Variants in SH3RF3 observed in about 807,000 individuals in gnomAD.
The protein encoded by SH3RF3 is E3 ubiquitin-protein ligase SH3RF3.
SH3RF3 carries 29 observed loss-of-function variants against 66.3 expected under a neutral mutation model. That is an observed-to-expected ratio of 0.44 (90% CI 0.33 to 0.60). The LOEUF (loss-of-function observed/expected upper bound fraction) is 0.60. SH3RF3 is among the 20% of genes least tolerant of loss of function. The pLI is 0.04. For synonymous variants in SH3RF3, 583 were observed against 532.0 expected, an observed-to-expected ratio of 1.10 and a Z score of -1.32; for missense variants, 1,194 against 1,190.9, an observed-to-expected ratio of 1.00 and a Z score of -0.04.
chr2:109,322,440 T>C (rs1682048012), intron 1 of SH3RF3, among the ~76,000 whole-genome samples: 1 of 152,194 alleles, frequency 6.6e-6, no homozygotes, highest in Non-Finnish European at 1.5e-5. Flanking sequence ...GAGTTGTCTT[T>C]GCCTGAGAGT....
In SH3RF3 at chr2:109,396,322, A is replaced by T. The variant is rs145830470; in HGVS notation, c.946-2268A>T. ...CTGGTTGGAGGAAACATTTCAAAGG[A>T]AATAACCCTAGATTTAGATCACACA... On this transcript the variant is annotated intron_variant, in intron 3 of 9. Coordinates refer to ENST00000309415, the MANE Select transcript of SH3RF3 (RefSeq NM_001099289.3). 2.6e-4 allele frequency among the ~76,000 whole-genome samples: 40 copies of T among 152,338 alleles called. 1 individual carries two copies. Among genetic ancestry groups the T allele is most frequent in the African/African-American group, 9.6e-4 (40 of 41,580 alleles).
rs1196385509 is a variant in SH3RF3 at position 109,293,477 on chromosome 2, C to T, written c.574-54197C>T. On this transcript the variant is annotated intron_variant, in intron 1 of 9. Transcript: ENST00000309415. The stretch of plus-strand genomic sequence containing the variant: ...CCGGGCTGCCTGCCCTACCCTGCCC[C>T]CTTCTCTCTCCACTGCCAGTGGTGG... 1.3e-5 allele frequency among the ~76,000 whole-genome samples: 2 copies of T among 152,316 alleles called. 1 individual carries two copies. Among genetic ancestry groups the T allele is most frequent in the Non-Finnish European group, 2.9e-5 (2 of 68,024 alleles).
intron 2 of SH3RF3, among the ~76,000 whole-genome samples, chr2:109,363,306 TA>T (rs1377804381): frequency 1.3e-5 from 2 of 152,184 alleles, no homozygotes; most frequent in Non-Finnish European, 2.9e-5. Flanking sequence ...CACTTTCAAA[TA>T]ACTGTGCTGC....
At chr2:109,231,504 A>G (rs555000350) in intron 1 of SH3RF3, among the ~76,000 whole-genome samples, 2 of 152,298 alleles carry the variant, frequency 1.3e-5, no homozygotes, top group African/African-American at 4.8e-5. Context: ...AGAAACATCT[A>G]TGAAGAATAA....
rs117154967 is a variant in SH3RF3 at position 109,398,682 on chromosome 2, C to T, written c.1038C>T (p.Gly346=). The T allele has an allele frequency of 8.4e-3, 13,524 of 1,609,880 alleles. 120 individuals are homozygous for T. Among genetic ancestry groups the T allele is most frequent in the East Asian group, 0.037 (1,659 of 44,668 alleles). ...SCNASLPSDS[G]AVASVAPSPT... ...ATGCCTCCCTGCCCTCTGACTCCGG[C>T]GCTGTGGCCAGCGTGGCCCCAAGTC... The change falls in exon 4 of 10, where the codon GGC becomes GGT. Residue 346 remains glycine, a synonymous_variant. Transcript: ENST00000309415.
intron 8 of SH3RF3, 34 bp downstream of exon 8, chr2:109,449,523 G>T (rs777564903): frequency 6.2e-7 from 1 of 1,600,388 alleles, no homozygotes; most frequent in South Asian, 1.1e-5. Flanking sequence ...CCCTGGGCTC[G>T]AGGCCAGCTG....
chr2:109,493,046 C>CAG (rs1364935577), intron 9 of SH3RF3, among the ~76,000 whole-genome samples: 1 of 149,228 alleles, frequency 6.7e-6, no homozygotes, highest in Non-Finnish European at 1.5e-5. Context: ...ACATACCCCA[C>CAG]ATACATCATA....
intron 9 of SH3RF3, among the ~76,000 whole-genome samples, chr2:109,491,522 G>T (rs1213966059): frequency 2.0e-5 from 3 of 152,138 alleles, no homozygotes. Flanking sequence ...TTCAGCCTAG[G>T]TTTTTACCGA....
At position 109,309,819 on chromosome 2, in the gene SH3RF3, A is replaced by G. The variant is rs1186084253; in HGVS notation, c.574-37855A>G. Among the ~76,000 whole-genome samples the G allele has an allele frequency of 6.1e-5, 7 of 114,848 alleles. 1 individual carries two copies. Among genetic ancestry groups the G allele is most frequent in the African/African-American group, 9.3e-5 (2 of 21,582 alleles). 75.3% of individuals were successfully genotyped at this position (114,848 alleles called of 152,430 possible). On this transcript the variant is annotated intron_variant, in intron 1 of 9. Coordinates refer to ENST00000309415, the MANE Select transcript of SH3RF3 (RefSeq NM_001099289.3). ...TCCTAAATAGATATGCACCCAATAC[A>G]GGAGCACCCAGATTCATAAAGCAAG...
At chr2:109,215,820 C>T (rs1022247588) in intron 1 of SH3RF3, among the ~76,000 whole-genome samples, 4 of 152,104 alleles carry the variant, frequency 2.6e-5, no homozygotes, top group African/African-American at 4.8e-5. Flanking sequence ...TCAGGTTGCA[C>T]GAGTTTGTTC....
chr2:109,232,327 A>T (rs143507846), intron 1 of SH3RF3, among the ~76,000 whole-genome samples: 3 of 152,244 alleles, frequency 2.0e-5, no homozygotes, highest in Non-Finnish European at 4.4e-5. Flanking sequence ...ATTTTTTCAG[A>T]GTTGGAAAAT....
intron 1 of SH3RF3, among the ~76,000 whole-genome samples, chr2:109,181,941 G>A (rs1678083837): frequency 6.6e-6 from 1 of 152,146 alleles, no homozygotes; most frequent in Non-Finnish European, 1.5e-5. Context: ...GGCTGTAAGG[G>A]CCTTGAATGA....
chr2:109,460,999 C>A (rs1678195767), intron 8 of SH3RF3, among the ~76,000 whole-genome samples: 1 of 152,254 alleles, frequency 6.6e-6, no homozygotes, highest in African/African-American at 2.4e-5. Flanking sequence ...CAAGTCTTAT[C>A]TTCCTGTGTG....
rs118027014 is a variant in SH3RF3 at position 109,410,458 on chromosome 2, C to T, written c.1300-9081C>T. ...ACCCAGGGGGCAGCATCAGCGTGCA[C>T]GCTGTCACTTTACTGTTTGCTTGTG... On this transcript the variant is annotated intron_variant, in intron 4 of 9. Transcript: ENST00000309415. Among the ~76,000 whole-genome samples the T allele has an allele frequency of 7.2e-3, 1,099 of 152,340 alleles. 9 individuals are homozygous for T. The highest frequency in any genetic ancestry group is 0.044 in the East Asian group (229 of 5,186).
chr2:109,482,115 T>G (rs1222739100), intron 8 of SH3RF3, among the ~76,000 whole-genome samples: 1 of 152,162 alleles, frequency 6.6e-6, no homozygotes, highest in Non-Finnish European at 1.5e-5. Context: ...CGGGTTCGAA[T>G]GCGGCTTGTG....
intron 1 of SH3RF3, among the ~76,000 whole-genome samples, chr2:109,274,836 T>TA (rs1680715059): frequency 6.6e-6 from 1 of 151,946 alleles, no homozygotes; most frequent in African/African-American, 2.4e-5. Flanking sequence ...TATACTGTAA[T>TA]ATTTGTAGAT....
chr2:109,492,107 C>G (rs1392468716), intron 9 of SH3RF3, among the ~76,000 whole-genome samples: 1 of 152,206 alleles, frequency 6.6e-6, no homozygotes, highest in Non-Finnish European at 1.5e-5. Flanking sequence ...ACGGTGGAAG[C>G]GTGGCCACAC....
At chr2:109,440,433 A>G (rs1459746256) in intron 7 of SH3RF3, among the ~76,000 whole-genome samples, 2 of 152,238 alleles carry the variant, frequency 1.3e-5, no homozygotes, top group Non-Finnish European at 2.9e-5. Context: ...CCACGTAAGG[A>G]ATTTAGATGT....
chr2:109,490,684 C>G lies in SH3RF3; in HGVS notation c.2228C>G (p.Ser743Cys). 2 of 1,529,474 alleles carry G rather than the reference C, an allele frequency of 1.3e-6. No individual in the cohort carries two copies. The highest frequency in any genetic ancestry group is 1.8e-6 in the Non-Finnish European group (2 of 1,141,022). 94.7% of individuals were successfully genotyped at this position (1,529,474 alleles called of 1,614,324 possible). The change falls in exon 9 of 10, where the codon TCT becomes TGT. Residue 743 changes from serine to cysteine, a missense_variant. Transcript: ENST00000309415. ...KKKSRSPPSV[S>C]PTHDPQVAVD... ...AAGTCACGCTCCCCGCCATCTGTGT[C>G]TCCAACCCACGACCCCCAGGTGGCC...
Sources: allele counts gnomAD v4.1 joint callset (sites outside exome capture counted in the v4.1 genomes callset), GRCh38; gene constraint gnomAD v4.1.1; transcripts MANE v1.5; gene names NCBI Gene and HGNC (gene_info 2026-07-23, HGNC 2026-07-21).